Variants in CSMD1 observed in about 807,000 individuals in gnomAD.
The protein encoded by CSMD1 is CUB and sushi domain-containing protein 1.
CSMD1 carries 213 observed loss-of-function variants against 417.5 expected under a neutral mutation model. The observed-to-expected ratio is 0.51, with a 90% CI of 0.46 to 0.57. CSMD1 has a LOEUF of 0.57. Ranked by LOEUF, CSMD1 falls within the 20% of genes least tolerant of loss-of-function variation. CSMD1 has a pLI of 0.00. For synonymous variants in CSMD1, 2,862 were observed against 1,736.8 expected (o/e 1.65, Z -16.11); for missense variants, 6,923 against 4,529.7 (o/e 1.53, Z -15.17).
intron 5 of CSMD1, among the ~76,000 whole-genome samples, chr8:3,837,820 T>C (rs1398821954): frequency 6.6e-6 from 1 of 152,134 alleles, no homozygotes; most frequent in Non-Finnish European, 1.5e-5. Flanking sequence ...AGTGCTTCCC[T>C]CTCTATAGTC....
chr8:4,323,247 C>A (rs1182466979), intron 3 of CSMD1, among the ~76,000 whole-genome samples: 2 of 152,166 alleles, frequency 1.3e-5, no homozygotes, highest in African/African-American at 2.4e-5. Flanking sequence ...TATGTATAAG[C>A]AATTTTGCTT....
At chr8:3,048,521 T>G (rs988342687) in intron 50 of CSMD1, among the ~76,000 whole-genome samples, 1 of 152,180 alleles carries the variant, frequency 6.6e-6, no homozygotes, top group Non-Finnish European at 1.5e-5. Context: ...CTGGAAAAAC[T>G]GGATATCTAC....
At chr8:3,409,898 T>G (rs571978250) in intron 12 of CSMD1, among the ~76,000 whole-genome samples, 3 of 152,234 alleles carry the variant, frequency 2.0e-5, no homozygotes, top group African/African-American at 7.2e-5. Flanking sequence ...ATCTTCTGGA[T>G]ACCTCCGATC....
intron 5 of CSMD1, among the ~76,000 whole-genome samples, chr8:3,942,360 G>C (rs945244830): frequency 6.6e-6 from 1 of 152,140 alleles, no homozygotes; most frequent in African/African-American, 2.4e-5. Context: ...CAAAATGGTA[G>C]AGGACGGCTA....
intron 7 of CSMD1, among the ~76,000 whole-genome samples, chr8:3,676,288 G>A (rs116982132): frequency 0.024 from 3,617 of 152,200 alleles, 61 homozygotes; most frequent in Non-Finnish European, 0.035. Context: ...CAACTCTGTG[G>A]CCCTGGGGCA....
intron 37 of CSMD1, among the ~76,000 whole-genome samples, chr8:3,171,388 T>C (rs888013799): frequency 3.3e-5 from 5 of 152,160 alleles, no homozygotes; most frequent in Non-Finnish European, 1.5e-5. Context: ...CACTCAAAAC[T>C]TTACTCACCA....
intron 3 of CSMD1, among the ~76,000 whole-genome samples, chr8:4,061,783 C>A: frequency 6.6e-6 from 1 of 152,142 alleles, no homozygotes; most frequent in East Asian, 1.9e-4. Context: ...AAAAGGAGTT[C>A]TCCATTTGCA....
In CSMD1 at chr8:4,464,515, G is replaced by T. The variant is rs73660870; in HGVS notation, c.303-44450C>A. On this transcript the variant is annotated intron_variant, in intron 2 of 69. Coordinates refer to ENST00000635120, the MANE Select transcript of CSMD1 (RefSeq NM_033225.6). ...TTTATAATAACACATTGAGTATCTC[G>T]TGTCATTTATTCAATATTGAACTAA... Among the ~76,000 whole-genome samples the T allele has an allele frequency of 3.5e-3, 527 of 152,152 alleles. 3 individuals are homozygous for T. Among genetic ancestry groups the T allele is most frequent in the African/African-American group, 0.012 (504 of 41,536 alleles).
chr8:3,708,298 A>C (rs1801293427), intron 7 of CSMD1, 116 bp downstream of exon 7: 1 of 771,648 alleles, frequency 1.3e-6, no homozygotes, highest in East Asian at 2.5e-5. Flanking sequence ...GGATATAGAA[A>C]AGAAGGAAGA....
At chr8:3,824,299 A>T (rs1481118797) in intron 5 of CSMD1, among the ~76,000 whole-genome samples, 1 of 152,202 alleles carries the variant, frequency 6.6e-6, no homozygotes, top group Non-Finnish European at 1.5e-5. Flanking sequence ...ATGTTAACAA[A>T]CGGGCACAAC....
chr8:3,980,818 A>G (rs1300915376), intron 5 of CSMD1, among the ~76,000 whole-genome samples: 1 of 152,144 alleles, frequency 6.6e-6, no homozygotes, highest in Non-Finnish European at 1.5e-5. Context: ...CCAACCACTA[A>G]TGTCCCCACT....
chr8:3,257,051 G>A (rs1430500163), intron 26 of CSMD1, among the ~76,000 whole-genome samples: 4 of 152,206 alleles, frequency 2.6e-5, no homozygotes, highest in Non-Finnish European at 5.9e-5. Context: ...GCCAGGTACA[G>A]TGGCTCATGC....
At chr8:4,354,254 A>T (rs983833950) in intron 3 of CSMD1, among the ~76,000 whole-genome samples, 1 of 152,188 alleles carries the variant, frequency 6.6e-6, no homozygotes, top group Non-Finnish European at 1.5e-5. Context: ...AACATTGTAG[A>T]TCACGGTGTT....
At chr8:3,628,501 A>G (rs898224973) in intron 7 of CSMD1, among the ~76,000 whole-genome samples, 5 of 152,224 alleles carry the variant, frequency 3.3e-5, no homozygotes, top group African/African-American at 4.8e-5. Context: ...AACTTTAGCT[A>G]TGATGCACAC....
chr8:4,318,637 C>G lies in CSMD1; in HGVS notation c.415+101316G>C, dbSNP rs565222205. Among the ~76,000 whole-genome samples the G allele has an allele frequency of 9.4e-5, 13 of 139,028 alleles. No individual in the cohort carries two copies. The South Asian group carries it at 3.5e-3, about 37-fold the overall frequency. 91.2% of individuals were successfully genotyped at this position (139,028 alleles called of 152,430 possible). A position where few individuals can be genotyped will look rare whatever the true frequency, so the allele number is the denominator to read the frequency against. ...TTAGTAATTAAAAGTGACACACCTT[C>G]TAAATTTAAGACGTCACTGATTGTT... is the stretch of plus-strand genomic sequence containing the variant. On this transcript the variant is annotated intron_variant, in intron 3 of 69. Transcript: ENST00000635120.
chr8:4,895,016 C>G lies in CSMD1; in HGVS notation c.85+99316G>C, dbSNP rs978103752. On this transcript the variant is annotated intron_variant, in intron 1 of 69. Transcript: ENST00000635120. ...GCCTTCGGCAAGTAACTTCACTTCT[C>G]TTGACCTGAGTTTTTTCATTGATAA... Among the ~76,000 whole-genome samples, 17 of 152,282 alleles carry G rather than the reference C, an allele frequency of 1.1e-4. No homozygotes were observed. In the South Asian group the frequency reaches 2.1e-3, roughly 19 times the overall value.
chr8:3,923,824 T>G (rs1192520489), intron 5 of CSMD1, among the ~76,000 whole-genome samples: 3 of 152,218 alleles, frequency 2.0e-5, no homozygotes, highest in Non-Finnish European at 2.9e-5. Context: ...CGTCTGAGTT[T>G]CAATTTTTTA....
At chr8:3,325,227 C>T (rs17079978) in intron 23 of CSMD1, among the ~76,000 whole-genome samples, 2,287 of 152,290 alleles carry the variant, frequency 0.015, 64 homozygotes, top group African/African-American at 0.052. Flanking sequence ...TAACTTCCTA[C>T]AAATGAACCT....
chr8:3,367,147 G>T lies in CSMD1; in HGVS notation c.3000C>A (p.Thr1000=), dbSNP rs751657255. 2 of 1,613,618 alleles carry T rather than the reference G, an allele frequency of 1.2e-6. No individual in the cohort carries two copies. The highest frequency in any genetic ancestry group is 1.7e-5 in the Admixed American group (1 of 59,960). Residue 1000 remains threonine, a synonymous_variant, in exon 20 of 70, where the codon ACC becomes ACA. Transcript: ENST00000635120. ...TGATCGTATGAGGCAACACCGACCCGGTGAGCCTGGCAACGGGCTCGGAAA... is the reference window on the plus strand; with the variant it reads ...TGATCGTATGAGGCAACACCGACCCTGTGAGCCTGGCAACGGGCTCGGAAA... ...GSFSEPVARL[T]GSVLPHTIKA...
Sources: allele counts gnomAD v4.1 joint callset (sites outside exome capture counted in the v4.1 genomes callset), GRCh38; gene constraint gnomAD v4.1.1; transcripts MANE v1.5; gene names NCBI Gene and HGNC (gene_info 2026-07-23, HGNC 2026-07-21).